Variants in EPRS1 observed in about 807,000 individuals in gnomAD.
EPRS1 encodes glutamyl-prolyl-tRNA synthetase 1.
A neutral mutation model predicts 188.3 loss-of-function variants in EPRS1; 107 were observed. The observed-to-expected ratio is 0.57, with a 90% CI of 0.49 to 0.67. EPRS1 has a LOEUF of 0.67. EPRS1 is among the 30% of genes least tolerant of loss of function. EPRS1 has a pLI of 0.00. For missense variants in EPRS1, 1,577 were observed against 1,802.2 expected, an observed-to-expected ratio of 0.88 and a Z score of 2.26; for synonymous variants, 596 against 593.1, an observed-to-expected ratio of 1.00 and a Z score of -0.07.
intron 12 of EPRS1, chr1:220,018,084 C>G: frequency 8.3e-7 from 1 of 1,207,158 alleles, no homozygotes; most frequent in Non-Finnish European, 1.1e-6. Flanking sequence ...ATGTAATATG[C>G]TAAAAGCTAT....
In EPRS1 at chr1:219,973,252, G is replaced by A. The variant is rs749767729; in HGVS notation, c.4230C>T (p.Val1410=). The part of the protein sequence containing the change: ...KLQAILEDIQ[V]TLFTRASEDL... ...TAAGAAACTACCTTGTGAAAAGGGT[G>A]ACCTGGATGTCTTCCAAAATAGCTT... The change falls in exon 29 of 32, where the codon GTC becomes GTT. Residue 1410 remains valine (V), a synonymous_variant. Coordinates refer to ENST00000366923, the MANE Select transcript of EPRS1 (RefSeq NM_004446.3). 1.0e-4 allele frequency: 163 copies of A among 1,612,288 alleles called. No individual in the cohort carries two copies. The highest frequency in any genetic ancestry group is 1.7e-4 in the Admixed American group (10 of 59,836).
chr1:219,973,253 A>G lies in EPRS1; in HGVS notation c.4229T>C (p.Val1410Ala). 1 of 1,612,724 alleles carries G rather than the reference A, an allele frequency of 6.2e-7. No homozygotes were observed. The highest frequency in any genetic ancestry group is 8.5e-7 in the Non-Finnish European group (1 of 1,179,412). ...KLQAILEDIQ[V>A]TLFTRASEDL... Reference sequence around the variant, plus strand: ...AAGAAACTACCTTGTGAAAAGGGTGACCTGGATGTCTTCCAAAATAGCTTG... The same window carrying G: ...AAGAAACTACCTTGTGAAAAGGGTGGCCTGGATGTCTTCCAAAATAGCTTG... Residue 1410 changes from valine (V) to alanine (A), a missense_variant, in exon 29 of 32, where the codon GTC (valine) becomes GCC (alanine). By Grantham distance (64) the Val-to-Ala change is moderately conservative. This residue lies in a region of EPRS1 where 296 missense variants were observed against 327.9 expected (regional missense o/e 0.90). Coordinates refer to ENST00000366923, the MANE Select transcript of EPRS1 (RefSeq NM_004446.3).
chr1:220,046,493 C>A lies in EPRS1; in HGVS notation c.-105G>T. ...TGCAACGTGTGCGCGTACCCGACGC[C>A]GCCGCAGCCTTCGCTCCGCCCCTGC... On this transcript the variant is annotated 5_prime_UTR_variant, in exon 1 of 32. Coordinates refer to ENST00000366923, the MANE Select transcript of EPRS1 (RefSeq NM_004446.3). The A allele has an allele frequency of 2.6e-6, 4 of 1,524,550 alleles. No individual in the cohort carries two copies. Among genetic ancestry groups the A allele is most frequent in the Non-Finnish European group, 2.6e-6 (3 of 1,135,588 alleles). The allele number at this position is 1,524,550 out of a possible 1,614,324, so 94.4% of individuals were successfully genotyped here. A position where few individuals can be genotyped will look rare whatever the true frequency, so the allele number is the denominator to read the frequency against.
intron 12 of EPRS1, among the ~76,000 whole-genome samples, chr1:220,015,113 G>A (rs1429684581): frequency 6.6e-6 from 1 of 152,104 alleles, no homozygotes; most frequent in Non-Finnish European, 1.5e-5. Flanking sequence ...AGTCCAAGAG[G>A]CCCAACATCT....
intron 30 of EPRS1, among the ~76,000 whole-genome samples, chr1:219,969,496 G>A (rs938428838): frequency 7.9e-5 from 12 of 152,118 alleles, no homozygotes; most frequent in African/African-American, 2.9e-4. Flanking sequence ...GTTATCAGGA[G>A]GAGAAAAGGA....
chr1:220,008,199 T>C (rs1661532729), intron 13 of EPRS1, among the ~76,000 whole-genome samples: 1 of 151,766 alleles, frequency 6.6e-6, no homozygotes, highest in Non-Finnish European at 1.5e-5. Context: ...GCAGTGGCTA[T>C]GGGACATTAT....
In EPRS1 at chr1:220,001,080, T is replaced by C. The variant is rs986917002; in HGVS notation, c.2181+58A>G. The stretch of plus-strand genomic sequence containing the variant: ...TAATCATCTGTAAAGAAATATATTC[T>C]AAACCCTGGGATAGAAAGACCATTT... On this transcript the variant is annotated intron_variant, in intron 17 of 31. Coordinates refer to ENST00000366923, the MANE Select transcript of EPRS1 (RefSeq NM_004446.3). 5.3e-6 allele frequency: 5 copies of C among 949,960 alleles called. No homozygotes were observed. The African/African-American group carries it at 8.1e-5, about 15-fold the overall frequency. 58.8% of individuals were successfully genotyped at this position (949,960 alleles called of 1,614,324 possible).
chr1:220,022,378 G>C lies in EPRS1; in HGVS notation c.1084C>G (p.Gln362Glu), dbSNP rs748164943. The C allele has an allele frequency of 1.2e-6, 2 of 1,613,392 alleles. No individual in the cohort carries two copies. Residue 362 changes from glutamine (Q) to glutamate (E), a missense_variant, in exon 9 of 32, where the codon CAA becomes GAA. Gln to Glu is a conservative substitution (Grantham distance 29). Around this residue, in one of 3 missense-constraint regions of EPRS1, gnomAD observed 1,278 missense variants for 1,457.4 expected, o/e 0.88. Transcript: ENST00000366923. Reference sequence around the variant, plus strand: ...TTATTTCCAGTTCTTGGATGTGGTTGAATTTTGCAGCGATAAAGGGTTGGA... The same window carrying C: ...TTATTTCCAGTTCTTGGATGTGGTTCAATTTTGCAGCGATAAAGGGTTGGA... Reference protein sequence around the residue: ...RDPTLYRCKIQPHPRTGNKYN... With the variant: ...RDPTLYRCKIEPHPRTGNKYN...
chr1:220,044,786 C>T (rs1662370021), intron 1 of EPRS1, among the ~76,000 whole-genome samples: 1 of 150,178 alleles, frequency 6.7e-6, no homozygotes, highest in Admixed American at 6.6e-5. Context: ...ATTATTCTCC[C>T]TTTCTTAAAA....
At chr1:219,975,902 G>T (rs1035654159) in intron 28 of EPRS1, among the ~76,000 whole-genome samples, 1 of 152,036 alleles carries the variant, frequency 6.6e-6, no homozygotes, top group Non-Finnish European at 1.5e-5. Context: ...TACTGAGAAG[G>T]CCCGGGAGAA....
intron 20 of EPRS1, among the ~76,000 whole-genome samples, chr1:219,985,725 G>A (rs1245605605): frequency 2.6e-5 from 4 of 152,082 alleles, no homozygotes; most frequent in Non-Finnish European, 4.4e-5. Context: ...CTTTTAACTA[G>A]AATAAAAGTT....
rs190954156 is a variant in EPRS1, at chr1:220,011,871, G to A, written c.1495-815C>T. Among the ~76,000 whole-genome samples the A allele has an allele frequency of 1.9e-3, 294 of 152,312 alleles. 1 individual carries two copies. Among genetic ancestry groups the A allele is most frequent in the African/African-American group, 6.9e-3 (287 of 41,582 alleles). On this transcript the variant is annotated intron_variant, in intron 12 of 31. Coordinates refer to ENST00000366923, the MANE Select transcript of EPRS1 (RefSeq NM_004446.3). ...TTTAGACACTATATATAAAGCACAT[G>A]TGAGAAAAATGTAGATGAAAGCAGA...
Position 220,037,224 on chromosome 1 carries a change from G to T in EPRS1, c.132-2211C>A, listed in dbSNP as rs183211015. Among the ~76,000 whole-genome samples the T allele has an allele frequency of 4.4e-4, 67 of 152,130 alleles. 1 individual carries two copies. Among genetic ancestry groups the T allele is most frequent in the African/African-American group, 1.6e-3 (65 of 41,518 alleles). ...CATCTCTAAAAATAAAAATAAAGAG[G>T]CCAGGCGTGGTGGCTCACGCCTGTG... is the stretch of plus-strand genomic sequence containing the variant. On this transcript the variant is annotated intron_variant, in intron 2 of 31. Transcript: ENST00000366923.
chr1:219,988,883 T>A (rs2102569166), intron 18 of EPRS1, 60 bp from the exon 19 acceptor site: 6 of 1,076,528 alleles, frequency 5.6e-6, no homozygotes, highest in South Asian at 1.5e-5. Flanking sequence ...GAAATTTCAA[T>A]GCCATTTAAA....
At chr1:220,009,627 G>C (rs1026046962) in intron 13 of EPRS1, among the ~76,000 whole-genome samples, 6 of 151,830 alleles carry the variant, frequency 4.0e-5, no homozygotes, top group African/African-American at 1.5e-4. Context: ...AGAGGATGCA[G>C]TGAGCTGAGA....
intron 24 of EPRS1, 130 bp downstream of exon 24, chr1:219,981,248 A>C (rs1660890854): frequency 1.8e-6 from 1 of 569,372 alleles, no homozygotes; most frequent in Admixed American, 3.4e-5. Context: ...AAAAATTACA[A>C]TTTATCTTAA....
At chr1:220,023,444 A>G (rs963108971) in intron 8 of EPRS1, among the ~76,000 whole-genome samples, 2 of 152,232 alleles carry the variant, frequency 1.3e-5, no homozygotes, top group African/African-American at 4.8e-5. Context: ...TGAAGTTCTG[A>G]CAACATAATT....
chr1:219,980,507 T>A (rs1466647882), intron 25 of EPRS1, among the ~76,000 whole-genome samples: 2 of 152,176 alleles, frequency 1.3e-5, no homozygotes, highest in African/African-American at 2.4e-5. Context: ...ATATACAGTA[T>A]CAAAATGCAA....
chr1:220,006,448 T>C (rs147533421), intron 14 of EPRS1, 135 bp from the exon 15 acceptor site: 5,364 of 286,456 alleles, frequency 0.019, 102 homozygotes, highest in East Asian at 0.058. Flanking sequence ...ATAAGAAATT[T>C]TCTTTGGAAA....
Sources: gnomAD v4.1 joint callset for allele counts (sites outside exome capture counted in the v4.1 genomes callset) on GRCh38, gnomAD v4.1.1 for gene constraint, gnomAD v4.1.1 regional missense constraint, MANE v1.5 for transcripts, NCBI Gene and HGNC (gene_info 2026-07-23, HGNC 2026-07-21) for gene names.